Variants in CDH24 observed in about 807,000 individuals in gnomAD.
CDH24 encodes the protein cadherin-24.
A neutral mutation model predicts 71.2 loss-of-function variants in CDH24; 61 were observed. That is an observed-to-expected ratio of 0.86 (90% CI 0.70 to 1.06). CDH24 has a LOEUF of 1.06. Among genes scored for constraint, CDH24 ranks in the 50% least tolerant of loss-of-function variants. The pLI is 0.00. For missense variants in CDH24, 961 were observed against 1,083.7 expected (o/e 0.89, Z 1.59); for synonymous variants, 440 against 470.2 (o/e 0.94, Z 0.83).
At chr14:23,056,250 G>A (rs967211916) in intron 1 of CDH24, among the ~76,000 whole-genome samples, 1 of 152,246 alleles carries the variant, frequency 6.6e-6, no homozygotes, top group Non-Finnish European at 1.5e-5. Context: ...GCCTTAAGGT[G>A]TCTAGGGTCA....
intron 10 of CDH24, 88 bp downstream of exon 10, chr14:23,049,539 G>A: frequency 1.2e-6 from 1 of 833,674 alleles, no homozygotes; most frequent in Non-Finnish European, 1.9e-6. Context: ...GGCAGGTGGG[G>A]CAGGGGTCAG....
intron 8 of CDH24, 136 bp downstream of exon 8, chr14:23,052,337 C>G: frequency 1.0e-6 from 1 of 969,000 alleles, no homozygotes; most frequent in South Asian, 1.4e-5. Context: ...GGCTAGGACT[C>G]AGATCCAGGC....
At chr14:23,049,983 C>T (rs752949288) in intron 8 of CDH24, 40 bp from the exon 9 acceptor site, 4 of 1,599,924 alleles carry the variant, frequency 2.5e-6, no homozygotes, top group South Asian at 2.2e-5. Context: ...CACACACACA[C>T]CACACAGTTT....
chr14:23,053,683 G>C lies in CDH24; in HGVS notation c.1039C>G (p.Pro347Ala), dbSNP rs758086932. 4 of 1,613,878 alleles carry C rather than the reference G, an allele frequency of 2.5e-6. No individual in the cohort carries two copies. Among genetic ancestry groups the C allele is most frequent in the Non-Finnish European group, 3.4e-6 (4 of 1,179,908 alleles). ...RVEATNTLID[P>A]AYLRRGPFKD... Reference sequence around the variant, plus strand: ...AAGGGCCCTCGCCGCAGATAGGCTGGGTCAATGAGCGTGTTGGTGGCCTCG... The same window carrying C: ...AAGGGCCCTCGCCGCAGATAGGCTGCGTCAATGAGCGTGTTGGTGGCCTCG... Residue 347 changes from proline to alanine, a missense_variant, in exon 7 of 13, where the codon CCA becomes GCA. Transcript: ENST00000487137.
chr14:23,057,211 G>A lies in CDH24; in HGVS notation c.-125+192C>T, dbSNP rs565896271. Among the ~76,000 whole-genome samples the A allele has an allele frequency of 6.6e-6, 1 of 152,104 alleles. No individual in the cohort carries two copies. Among genetic ancestry groups the A allele is most frequent in the South Asian group, 2.1e-4 (1 of 4,818 alleles). On this transcript the variant is annotated intron_variant, in intron 1 of 12. Coordinates refer to ENST00000487137, the MANE Select transcript of CDH24 (RefSeq NM_144985.4). The surrounding 1 kb of genome is among the most constrained non-coding windows in gnomAD (Gnocchi z 5.4). ...GGCAAACAGGCAGAGAAGGAAGGGTGAAGAGAAATCGAGAGAAGAAAGAGG... is the reference window on the plus strand; with the variant it reads ...GGCAAACAGGCAGAGAAGGAAGGGTAAAGAGAAATCGAGAGAAGAAAGAGG...
intron 1 of CDH24, among the ~76,000 whole-genome samples, chr14:23,056,630 G>A (rs2047132384): frequency 6.6e-6 from 1 of 152,244 alleles, no homozygotes; most frequent in Non-Finnish European, 1.5e-5. Context: ...TCTGAAGGCA[G>A]AGAGGAGTCC....
intron 7 of CDH24, 31 bp downstream of exon 7, chr14:23,053,465 G>C (rs759476763): frequency 1.3e-6 from 2 of 1,527,066 alleles, no homozygotes; most frequent in South Asian, 2.5e-5. Context: ...CCTGCCATCT[G>C]GCTCCCCAGC....
chr14:23,048,274 C>G lies in CDH24; in HGVS notation c.2052G>C (p.Val684=). Residue 684 remains valine (V), a synonymous_variant, in exon 12 of 13, where the codon GTG becomes GTC. Coordinates refer to ENST00000487137, the MANE Select transcript of CDH24 (RefSeq NM_144985.4). ...PAPGPPARRD[V]LPRARVSRQP... is the part of the protein sequence containing the mutation. Reference sequence around the variant, plus strand: ...GGCGCGACACCCGGGCCCGGGGCAACACGTCTCGGCGCGCGGGAGGGCCGG... The same window carrying G: ...GGCGCGACACCCGGGCCCGGGGCAAGACGTCTCGGCGCGCGGGAGGGCCGG... 1 of 1,547,602 alleles carries G rather than the reference C, an allele frequency of 6.5e-7. No individual in the cohort carries two copies. The highest frequency in any genetic ancestry group is 2.0e-5 in the Admixed American group (1 of 50,126).
intron 7 of CDH24, 58 bp from the exon 8 acceptor site, chr14:23,052,667 C>A (rs1302656252): frequency 3.8e-6 from 6 of 1,566,744 alleles, no homozygotes; most frequent in Non-Finnish European, 5.3e-6. Context: ...GCTTGTTCCA[C>A]CCCCTCTCTT....
Position 23,055,549 on chromosome 14 carries a change from G to A in CDH24, c.185C>T (p.Pro62Leu), listed in dbSNP as rs1268033288. The A allele has an allele frequency of 3.1e-6, 5 of 1,613,882 alleles. No individual in the cohort carries two copies. The highest frequency in any genetic ancestry group is 3.4e-6 in the Non-Finnish European group (4 of 1,180,026). Residue 62 changes from proline to leucine, a missense_variant, in exon 2 of 13, where the codon CCT becomes CTT. By Grantham distance (98) the Pro-to-Leu change is moderately conservative. This residue lies in a region of CDH24 where 671 missense variants were observed against 810.9 expected (regional missense o/e 0.83). Coordinates refer to ENST00000487137, the MANE Select transcript of CDH24 (RefSeq NM_144985.4). The surrounding 1 kb of genome is among the most constrained non-coding windows in gnomAD (Gnocchi z 4.1). Reference protein sequence around the residue: ...FVIEEYAGPEPVLIGKLHSDV... With the variant: ...FVIEEYAGPELVLIGKLHSDV... ...CATCCTTACCTTGCCAATGAGAACAGGCTCTGGACCAGCATATTCCTCAAT... is the reference window on the plus strand; with the variant it reads ...CATCCTTACCTTGCCAATGAGAACAAGCTCTGGACCAGCATATTCCTCAAT...
chr14:23,056,584 GAC>G (rs1389191189), intron 1 of CDH24, among the ~76,000 whole-genome samples: 1 of 152,220 alleles, frequency 6.6e-6, no homozygotes, highest in Non-Finnish European at 1.5e-5. Flanking sequence ...AGTGGCAAGA[GAC>G]AGAATGAGAG....
chr14:23,048,998 C>A, intron 11 of CDH24, 29 bp downstream of exon 11: 1 of 1,596,492 alleles, frequency 6.3e-7, no homozygotes, highest in Middle Eastern at 1.8e-4. Flanking sequence ...CCAGATCGCA[C>A]AGCTATGTAC....
intron 7 of CDH24, 28 bp from the exon 8 acceptor site, chr14:23,052,637 T>C (rs755774421): frequency 1.6e-5 from 25 of 1,609,602 alleles, no homozygotes; most frequent in South Asian, 4.4e-5. Context: ...ATGCTGGGGC[T>C]GATCTGGGGC....
Position 23,047,878 on chromosome 14 carries a change from G to A in CDH24, c.*102C>T. 1.1e-6 allele frequency: 1 copy of A among 902,448 alleles called. No individual in the cohort carries two copies. The highest frequency in any genetic ancestry group is 1.5e-6 in the Non-Finnish European group (1 of 684,170). 55.9% of individuals were successfully genotyped at this position (902,448 alleles called of 1,614,324 possible). Reference sequence around the variant, plus strand: ...GACACAAGGACAGGGAGGAGGCCTGGGGCCCCTGGGCTGCTGCCGCCCGCC... The same window carrying A: ...GACACAAGGACAGGGAGGAGGCCTGAGGCCCCTGGGCTGCTGCCGCCCGCC... On this transcript the variant is annotated 3_prime_UTR_variant, in exon 12 of 13. Coordinates refer to ENST00000487137, the MANE Select transcript of CDH24 (RefSeq NM_144985.4).
In CDH24 at chr14:23,053,655, T is replaced by C. The variant is rs765648344; in HGVS notation, c.1067A>G (p.Lys356Arg). 10 of 1,614,014 alleles carry C rather than the reference T, an allele frequency of 6.2e-6. No individual in the cohort carries two copies. In the Admixed American group the frequency reaches 1.7e-4, roughly 27 times the overall value. The change falls in exon 7 of 13, where the codon AAG becomes AGG. Residue 356 changes from lysine (K) to arginine (R), a missense_variant. By Grantham distance (26) the Lys-to-Arg change is conservative. This residue lies in a region of CDH24 where 671 missense variants were observed against 810.9 expected (regional missense o/e 0.83). Transcript: ENST00000487137. ...DPAYLRRGPF[K>R]DVASVRVAVQ... ...TGCCACACGCACAGAGGCCACATCC[T>C]TGAAGGGCCCTCGCCGCAGATAGGC...
At position 23,049,723 on chromosome 14, in the gene CDH24, G is replaced by A. The variant is rs1051950574; in HGVS notation, c.1501C>T (p.Arg501Trp). 37 of 1,612,132 alleles carry A rather than the reference G, an allele frequency of 2.3e-5. No homozygotes were observed. The highest frequency in any genetic ancestry group is 1.9e-4 in the South Asian group (17 of 90,882). Residue 501 changes from arginine to tryptophan, a missense_variant, in exon 10 of 13, where the codon CGG (arginine) becomes TGG (tryptophan). Arg to Trp is a moderately radical substitution (Grantham distance 101). Transcript: ENST00000487137. ...CCAACTTCATCTCTGTCCAGGGCCC[G>A]GATGACCTGAATCAGCTGGGAGGAA... ...AAPGQLIQVIRALDRDEVGNS... is the reference protein window; with the variant it reads ...AAPGQLIQVIWALDRDEVGNS...
At position 23,054,089 on chromosome 14, in the gene CDH24, G is replaced by A. The variant is rs1173752729; in HGVS notation, c.972+52C>T. 2.1e-5 allele frequency: 32 copies of A among 1,509,178 alleles called. No homozygotes were observed. Among genetic ancestry groups the A allele is most frequent in the Non-Finnish European group, 2.8e-5 (31 of 1,120,990 alleles). 93.5% of individuals were successfully genotyped at this position (1,509,178 alleles called of 1,614,324 possible). ...AAGAACAGTTAAATATGTGCCCTGT[G>A]GGTCGGCAGGAGGCAGGTCTAAGAG... On this transcript the variant is annotated intron_variant, in intron 6 of 12. Transcript: ENST00000487137. This position sits in a 1 kb window ranked among gnomAD's most constrained non-coding sequence, Gnocchi z 5.2.
rs566103988 is a variant in CDH24, at chr14:23,049,229, G to A, written c.1644C>T (p.Arg548=). 3.2e-6 allele frequency: 5 copies of A among 1,574,700 alleles called. No individual in the cohort carries two copies. In the Admixed American group the frequency reaches 5.6e-5, roughly 18 times the overall value. ...CTATGGGAACCAAGTAGGGGGCATG[G>A]CGGGGTGGAGCAGGGCGGGAGGGCA... ...LLLPSRPAPP[R]HAPYLVPIEL... Residue 548 remains arginine, a synonymous_variant, in exon 11 of 13, where the codon CGC becomes CGT. Coordinates refer to ENST00000487137, the MANE Select transcript of CDH24 (RefSeq NM_144985.4).
intron 7 of CDH24, 69 bp downstream of exon 7, chr14:23,053,427 C>T: frequency 2.7e-6 from 4 of 1,456,284 alleles, no homozygotes; most frequent in South Asian, 1.4e-5. Context: ...GTAGGGGGCA[C>T]ATTTACTCAT....
Sources: allele counts gnomAD v4.1 joint callset (sites outside exome capture counted in the v4.1 genomes callset), GRCh38; gene constraint gnomAD v4.1.1; regional missense constraint gnomAD v4.1.1; non-coding constraint Gnocchi (gnomAD v3.1); transcripts MANE v1.5; gene names NCBI Gene and HGNC (gene_info 2026-07-23, HGNC 2026-07-21).